Variants in OR2M3 observed in about 807,000 individuals in gnomAD.
OR2M3 encodes olfactory receptor 2M3.
OR2M3 carries 1 observed loss-of-function variant against 4.3 expected under a neutral mutation model. That is an observed-to-expected ratio of 0.23 (90% CI 0.08 to 1.11). The LOEUF (loss-of-function observed/expected upper bound fraction) is 1.11, where lower values mean the gene tolerates loss of function less well. Ranked by LOEUF, OR2M3 falls within the 50% of genes most tolerant of loss-of-function variation. OR2M3 has a pLI of 0.54. For missense variants in OR2M3, 410 were observed against 390.4 expected, an observed-to-expected ratio of 1.05 and a Z score of -0.42; for synonymous variants, 151 against 139.4, an observed-to-expected ratio of 1.08 and a Z score of -0.59.
chr1:248,199,554 T>A (rs1666134285), intron 1 of OR2M3, among the ~76,000 whole-genome samples: 1 of 152,146 alleles, frequency 6.6e-6, no homozygotes, highest in Admixed American at 6.6e-5. Flanking sequence ...CAGAGTTGGA[T>A]CTCATATTCC....
In OR2M3 at chr1:248,204,632, CGT is replaced by C. The variant is rs1491522499; in HGVS notation, c.*627_*628del. ...GTGTATATAGATATATATATATATA[CGT>C]ATATATATACACACACACATATATA... On this transcript the variant is annotated 3_prime_UTR_variant, in exon 2 of 2. Transcript: ENST00000641626. 6.8e-6 allele frequency: 1 copy of C among 148,072 alleles called. No homozygotes were observed. Among genetic ancestry groups the C allele is most frequent in the Non-Finnish European group, 1.5e-5 (1 of 67,646 alleles). 9.2% of individuals were successfully genotyped at this position (148,072 alleles called of 1,614,324 possible). A position where few individuals can be genotyped will look rare whatever the true frequency, so the allele number is the denominator to read the frequency against.
intron 1 of OR2M3, among the ~76,000 whole-genome samples, chr1:248,200,233 A>G (rs536859651): frequency 1.7e-4 from 26 of 152,268 alleles, no homozygotes; most frequent in Admixed American, 9.8e-4. Flanking sequence ...ACAACAGTTG[A>G]CAACTTCAAG....
rs146772177 is a variant in OR2M3, at chr1:248,204,129, T to G, written c.*123T>G. ...ATAAATCTGCAATGACATATTTATG[T>G]GCACCTATATAATTTATTTCAGATA... On this transcript the variant is annotated 3_prime_UTR_variant, in exon 2 of 2. Coordinates refer to ENST00000641626, the MANE Select transcript of OR2M3 (RefSeq NM_001004689.2). 1.9e-3 allele frequency: 1,537 copies of G among 796,816 alleles called. 16 individuals are homozygous for G. In the African/African-American group the frequency reaches 0.023, roughly 12 times the overall value. The allele number at this position is 796,816 out of a possible 1,614,324, so 49.4% of individuals were successfully genotyped here. A position where few individuals can be genotyped will look rare whatever the true frequency, so the allele number is the denominator to read the frequency against.
intron 1 of OR2M3, among the ~76,000 whole-genome samples, 187 bp downstream of exon 1, chr1:248,197,488 C>T (rs1347770981): frequency 2.0e-5 from 3 of 152,090 alleles, no homozygotes; most frequent in African/African-American, 7.2e-5. Context: ...CAATCTGAGG[C>T]AGAAGGAGTG....
chr1:248,212,513 C>T lies in OR2M3; in HGVS notation c.*8507C>T, dbSNP rs1481627292. ...GAAGTATAGATAATTTAATTCAGGCCAAAAACTGATTTTTAAAAACTCATA... is the reference window on the plus strand; with the variant it reads ...GAAGTATAGATAATTTAATTCAGGCTAAAAACTGATTTTTAAAAACTCATA... On this transcript the variant is annotated 3_prime_UTR_variant, in exon 2 of 2. Coordinates refer to ENST00000641626, the MANE Select transcript of OR2M3 (RefSeq NM_001004689.2). The T allele has an allele frequency of 2.0e-5, 3 of 151,686 alleles. No homozygotes were observed. Among genetic ancestry groups the T allele is most frequent in the African/African-American group, 7.3e-5 (3 of 41,326 alleles). The allele number at this position is 151,686 out of a possible 1,614,324, so 9.4% of individuals were successfully genotyped here. A position where few individuals can be genotyped will look rare whatever the true frequency, so the allele number is the denominator to read the frequency against.
In OR2M3 at chr1:248,208,941, T is replaced by C. The variant is rs575129916; in HGVS notation, c.*4935T>C. On this transcript the variant is annotated 3_prime_UTR_variant, in exon 2 of 2. Coordinates refer to ENST00000641626, the MANE Select transcript of OR2M3 (RefSeq NM_001004689.2). ...TATTTTCCAGACTTTTAGATTTCTC[T>C]TCTTCCTCAAGAACACCAATTATTC... 2.6e-4 allele frequency: 40 copies of C among 152,346 alleles called. No individual in the cohort carries two copies. The highest frequency in any genetic ancestry group is 9.4e-4 in the African/African-American group (39 of 41,578). The allele number at this position is 152,346 out of a possible 1,614,324, so 9.4% of individuals were successfully genotyped here.
intron 1 of OR2M3, among the ~76,000 whole-genome samples, chr1:248,202,635 A>C (rs1490609487): frequency 6.6e-6 from 1 of 152,168 alleles, no homozygotes; most frequent in Non-Finnish European, 1.5e-5. Context: ...TTATGTGAGC[A>C]AAGGCACACA....
In OR2M3 at chr1:248,208,360, AC is replaced by A. The variant is rs1459827825; in HGVS notation, c.*4356del. The A allele has an allele frequency of 6.6e-6, 1 of 151,930 alleles. No individual in the cohort carries two copies. Among genetic ancestry groups the A allele is most frequent in the African/African-American group, 2.4e-5 (1 of 41,374 alleles). The allele number at this position is 151,930 out of a possible 1,614,324, so 9.4% of individuals were successfully genotyped here. ...TATTCTATACATCGTGCTATTTGTTACCTGAATATCTGAAGTTTTTTTGTTT... is the reference window on the plus strand; with the variant it reads ...TATTCTATACATCGTGCTATTTGTTACTGAATATCTGAAGTTTTTTTGTTT... On this transcript the variant is annotated 3_prime_UTR_variant, in exon 2 of 2. Coordinates refer to ENST00000641626, the MANE Select transcript of OR2M3 (RefSeq NM_001004689.2).
In OR2M3 at chr1:248,203,063, A is replaced by G. The variant is rs1283367581; in HGVS notation, c.-5A>G. ...TTGTGGTACTAGGTAAAAAGCATAC[A>G]CATCATGGCAAGGGAGAATTCGACC... On this transcript the variant is annotated 5_prime_UTR_variant, in exon 2 of 2. Coordinates refer to ENST00000641626, the MANE Select transcript of OR2M3 (RefSeq NM_001004689.2). 6.2e-7 allele frequency: 1 copy of G among 1,607,742 alleles called. No individual in the cohort carries two copies. The highest frequency in any genetic ancestry group is 8.5e-7 in the Non-Finnish European group (1 of 1,176,814).
rs1666210654 is a variant in OR2M3 at position 248,205,063 on chromosome 1, G to A, written c.*1057G>A. 1 of 151,690 alleles carries A rather than the reference G, an allele frequency of 6.6e-6. No homozygotes were observed. Among genetic ancestry groups the A allele is most frequent in the South Asian group, 2.1e-4 (1 of 4,818 alleles). The allele number at this position is 151,690 out of a possible 1,614,324, so 9.4% of individuals were successfully genotyped here. On this transcript the variant is annotated 3_prime_UTR_variant, in exon 2 of 2. Transcript: ENST00000641626. ...CAAGCATTTTTCTAGATGCTTGTTG[G>A]CTATTTATATATATTTATATATCTC...
At position 248,203,008 on chromosome 1, in the gene OR2M3, G is replaced by A. The variant is rs180884411; in HGVS notation, c.-18-42G>A. ...AATCACATGATTTATAAGGCACTGA[G>A]TAAAGTTTTACCAAATTAATACGCT... On this transcript the variant is annotated intron_variant, in intron 1 of 1. Coordinates refer to ENST00000641626, the MANE Select transcript of OR2M3 (RefSeq NM_001004689.2). 473 of 1,533,086 alleles carry A rather than the reference G, an allele frequency of 3.1e-4. 2 individuals carry two copies. In the African/African-American group the frequency reaches 5.8e-3, roughly 19 times the overall value. The allele number at this position is 1,533,086 out of a possible 1,614,324, so 95.0% of individuals were successfully genotyped here.
At position 248,203,754 on chromosome 1, in the gene OR2M3, A is replaced by T. The variant is rs528346493; in HGVS notation, c.687A>T (p.Gly229=). 1 of 1,612,012 alleles carries T rather than the reference A, an allele frequency of 6.2e-7. No homozygotes were observed. Among genetic ancestry groups the T allele is most frequent in the South Asian group, 1.1e-5 (1 of 90,972 alleles). ...TTATCCTGGCTGTCATTCACATGGG[A>T]TCTGGAGAGGGTCGTCGCAAAGCTT... is the stretch of plus-strand genomic sequence containing the variant. ...ARVILAVIHM[G]SGEGRRKAFT... The change falls in exon 2 of 2, where the codon GGA becomes GGT. Residue 229 remains glycine, a synonymous_variant. Transcript: ENST00000641626.
In OR2M3 at chr1:248,209,598, G is replaced by C. The variant is rs984426221; in HGVS notation, c.*5592G>C. The C allele has an allele frequency of 6.6e-6, 1 of 151,170 alleles. No homozygotes were observed. The highest frequency in any genetic ancestry group is 1.5e-5 in the Non-Finnish European group (1 of 68,004). 9.4% of individuals were successfully genotyped at this position (151,170 alleles called of 1,614,324 possible). A position where few individuals can be genotyped will look rare whatever the true frequency, so the allele number is the denominator to read the frequency against. On this transcript the variant is annotated 3_prime_UTR_variant, in exon 2 of 2. Transcript: ENST00000641626. ...TCTAGCCACACAGTGGAGCTACCAG[G>C]TTCCATACTGGTACTTGGGAGTGTC...
In OR2M3 at chr1:248,211,223, C is replaced by T. The variant is rs1268299817; in HGVS notation, c.*7217C>T. ...TGGAGATGCTGCTGTGACTTCAACC[C>T]AGGTGACATCTTAACATTTGATCTC... is the stretch of plus-strand genomic sequence containing the variant. On this transcript the variant is annotated 3_prime_UTR_variant, in exon 2 of 2. Coordinates refer to ENST00000641626, the MANE Select transcript of OR2M3 (RefSeq NM_001004689.2). The T allele has an allele frequency of 6.6e-6, 1 of 151,980 alleles. No individual in the cohort carries two copies. Among genetic ancestry groups the T allele is most frequent in the Admixed American group, 6.6e-5 (1 of 15,240 alleles). 9.4% of individuals were successfully genotyped at this position (151,980 alleles called of 1,614,324 possible). A position where few individuals can be genotyped will look rare whatever the true frequency, so the allele number is the denominator to read the frequency against.
At position 248,211,333 on chromosome 1, in the gene OR2M3, T is replaced by A. The variant is rs1361544036; in HGVS notation, c.*7327T>A. On this transcript the variant is annotated 3_prime_UTR_variant, in exon 2 of 2. Transcript: ENST00000641626. ...TCAAGTTGTTAAAATTCATCTAAGC[T>A]TCACACACTGATCCAACAGAGAAAT... 1 of 152,112 alleles carries A rather than the reference T, an allele frequency of 6.6e-6. No individual in the cohort carries two copies. Among genetic ancestry groups the A allele is most frequent in the Non-Finnish European group, 1.5e-5 (1 of 68,024 alleles). 9.4% of individuals were successfully genotyped at this position (152,112 alleles called of 1,614,324 possible).
At chr1:248,200,965 C>T (rs751962084) in intron 1 of OR2M3, among the ~76,000 whole-genome samples, 3 of 151,934 alleles carry the variant, frequency 2.0e-5, no homozygotes, top group Non-Finnish European at 4.4e-5. Flanking sequence ...TGTTTTCAGT[C>T]TCTTCATAAA....
At position 248,204,002 on chromosome 1, in the gene OR2M3, A is replaced by G. The variant is rs1416398250; in HGVS notation, c.935A>G (p.Glu312Gly). ...MKILGKGKSG[E>G] ...ATCTTAGGAAAGGGCAAGTCTGGAGAGTGAGTTACCTAATAAACTTCATGT... is the reference window on the plus strand; with the variant it reads ...ATCTTAGGAAAGGGCAAGTCTGGAGGGTGAGTTACCTAATAAACTTCATGT... Residue 312 changes from glutamate (E) to glycine (G), a missense_variant, in exon 2 of 2, where the codon GAG (glutamate) becomes GGG (glycine). By Grantham distance (98) the Glu-to-Gly change is moderately conservative. Transcript: ENST00000641626. 1 of 1,613,616 alleles carries G rather than the reference A, an allele frequency of 6.2e-7. No homozygotes were observed. The highest frequency in any genetic ancestry group is 8.5e-7 in the Non-Finnish European group (1 of 1,179,756).
rs1420295908 is a variant in OR2M3 at position 248,204,330 on chromosome 1, G to T, written c.*324G>T. The T allele has an allele frequency of 4.7e-6, 1 of 211,244 alleles. No homozygotes were observed. The highest frequency in any genetic ancestry group is 9.4e-6 in the Non-Finnish European group (1 of 106,186). The allele number at this position is 211,244 out of a possible 1,614,324, so 13.1% of individuals were successfully genotyped here. On this transcript the variant is annotated 3_prime_UTR_variant, in exon 2 of 2. Coordinates refer to ENST00000641626, the MANE Select transcript of OR2M3 (RefSeq NM_001004689.2). ...TTTAGTGATGATTTCTGAGATTTTGGTGCACCCATCACCCAAGCAGTATTC... is the reference window on the plus strand; with the variant it reads ...TTTAGTGATGATTTCTGAGATTTTGTTGCACCCATCACCCAAGCAGTATTC...
intron 1 of OR2M3, among the ~76,000 whole-genome samples, chr1:248,201,365 T>G (rs1243583843): frequency 1.3e-5 from 2 of 152,100 alleles, no homozygotes; most frequent in African/African-American, 4.8e-5. Context: ...ACTACTCTAT[T>G]CAAAGTTGAA....
Sources: gnomAD v4.1 joint callset for allele counts (sites outside exome capture counted in the v4.1 genomes callset) on GRCh38, gnomAD v4.1.1 for gene constraint, MANE v1.5 for transcripts, NCBI Gene and HGNC (gene_info 2026-07-23, HGNC 2026-07-21) for gene names.